Variants in FOXP1 observed in about 807,000 individuals in gnomAD.
The protein encoded by FOXP1 is forkhead box protein P1.
A neutral mutation model predicts 98.2 loss-of-function variants in FOXP1; 15 were observed. The observed-to-expected ratio is 0.15, with a 90% CI of 0.10 to 0.24. FOXP1 has a LOEUF of 0.24. Among genes scored for constraint, FOXP1 ranks in the 10% least tolerant of loss-of-function variants. The pLI, the probability that FOXP1 is intolerant of heterozygous loss-of-function variation, is 1.00. For missense variants in FOXP1, 633 were observed against 848.5 expected (o/e 0.75, Z 3.15); for synonymous variants, 371 against 314.5 (o/e 1.18, Z -1.90).
intron 2 of FOXP1, among the ~76,000 whole-genome samples, chr3:71,509,824 T>C (rs1330076839): frequency 6.6e-6 from 1 of 152,116 alleles, no homozygotes; most frequent in African/African-American, 2.4e-5. Flanking sequence ...CAGATTGCAA[T>C]GAGCTATGAT....
At position 71,547,806 on chromosome 3, in the gene FOXP1, C is replaced by A. The variant is rs559857927; in HGVS notation, c.-298+33743G>T. Among the ~76,000 whole-genome samples, 55 of 152,316 alleles carry A rather than the reference C, an allele frequency of 3.6e-4. 1 individual carries two copies. The highest frequency in any genetic ancestry group is 1.3e-3 in the African/African-American group (52 of 41,566). On this transcript the variant is annotated intron_variant, in intron 2 of 20. Transcript: ENST00000649528. ...GAGAGGACAGCTGTGACTATTCAAT[C>A]CTTTGGTGGTCATCATCACCTCCCA...
chr3:71,154,174 A>G (rs1190618871), intron 6 of FOXP1, among the ~76,000 whole-genome samples: 1 of 152,168 alleles, frequency 6.6e-6, no homozygotes, highest in Admixed American at 6.5e-5. Context: ...AATTAAATTA[A>G]GCTAGTTAAT....
intron 3 of FOXP1, among the ~76,000 whole-genome samples, chr3:71,442,558 C>T (rs1252462495): frequency 1.3e-5 from 2 of 152,208 alleles, no homozygotes; most frequent in African/African-American, 2.4e-5. Flanking sequence ...TACATGGGCA[C>T]GGAGGTCCTC....
chr3:71,276,182 C>T (rs2070865856), intron 5 of FOXP1: 1 of 152,190 alleles, frequency 6.6e-6, no homozygotes, highest in Admixed American at 6.5e-5. Flanking sequence ...GCTGCTTTCT[C>T]ATGTTCTCCC....
chr3:71,397,049 C>T (rs9859668), intron 3 of FOXP1, among the ~76,000 whole-genome samples: 4,647 of 41,340 alleles, frequency 0.11, 1,261 homozygotes, highest in African/African-American at 0.22. Flanking sequence ...TATATATATA[C>T]ACATATATAT....
At chr3:71,530,667 C>T (rs1339872525) in intron 2 of FOXP1, among the ~76,000 whole-genome samples, 1 of 152,192 alleles carries the variant, frequency 6.6e-6, no homozygotes, top group Non-Finnish European at 1.5e-5. Context: ...TTATGTTGCA[C>T]ATACTGTGTT....
chr3:71,094,278 CT>C lies in FOXP1; in HGVS notation c.282+18257del, dbSNP rs1180804992. 7.6e-3 allele frequency among the ~76,000 whole-genome samples: 970 copies of C among 127,808 alleles called. 2 individuals are homozygous for C. Among genetic ancestry groups the C allele is most frequent in the African/African-American group, 0.018 (603 of 32,638 alleles). The allele number at this position is 127,808 out of a possible 152,430, so 83.8% of individuals were successfully genotyped here. ...CATATAATTCCCTTTTTTTTCTTTT[CT>C]TTTTTTTTTTTTTTTTTTGAGACAG... On this transcript the variant is annotated intron_variant, in intron 7 of 20. Transcript: ENST00000649528.
intron 3 of FOXP1, among the ~76,000 whole-genome samples, chr3:71,450,182 A>G (rs1324172437): frequency 6.6e-6 from 1 of 152,220 alleles, no homozygotes; most frequent in African/African-American, 2.4e-5. Context: ...TTATGTTCCT[A>G]ATTTCAATGA....
intron 12 of FOXP1, among the ~76,000 whole-genome samples, chr3:71,004,215 C>T (rs747096668): frequency 1.5e-4 from 23 of 151,682 alleles, no homozygotes; most frequent in Admixed American, 3.3e-4. Context: ...AAAATGATCA[C>T]GGCTACCATA....
intron 4 of FOXP1, among the ~76,000 whole-genome samples, chr3:71,346,342 T>C (rs866630978): frequency 3.1e-4 from 47 of 152,144 alleles, no homozygotes; most frequent in African/African-American, 1.1e-3. Flanking sequence ...CGCCAAAGTT[T>C]TGATTTAGCC....
chr3:71,039,455 C>T (rs2048037117), intron 11 of FOXP1, among the ~76,000 whole-genome samples: 1 of 152,172 alleles, frequency 6.6e-6, no homozygotes, highest in Non-Finnish European at 1.5e-5. Flanking sequence ...TATCACCTGA[C>T]TGCAGATACA....
chr3:71,411,605 A>G (rs2082754282), intron 3 of FOXP1, among the ~76,000 whole-genome samples: 1 of 152,188 alleles, frequency 6.6e-6, no homozygotes, highest in South Asian at 2.1e-4. Context: ...TACAGGCATG[A>G]GCCACTGCGC....
chr3:71,228,929 T>C (rs1225804464), intron 5 of FOXP1, among the ~76,000 whole-genome samples: 1 of 150,732 alleles, frequency 6.6e-6, no homozygotes, highest in East Asian at 1.9e-4. Context: ...AAATGTGCTC[T>C]AAGAGGGTTT....
chr3:71,112,450 C>T, intron 7 of FOXP1, 86 bp downstream of exon 7: 1 of 1,053,570 alleles, frequency 9.5e-7, no homozygotes, highest in Non-Finnish European at 1.5e-6. Flanking sequence ...ACATGATTTG[C>T]AATGCTCAAC....
At chr3:71,486,994 T>C (rs2090703257) in intron 3 of FOXP1, among the ~76,000 whole-genome samples, 2 of 152,150 alleles carry the variant, frequency 1.3e-5, no homozygotes, top group Admixed American at 6.5e-5. Context: ...GCACCCGGCA[T>C]GTATGTGCCT....
intron 2 of FOXP1, among the ~76,000 whole-genome samples, chr3:71,563,524 C>T (rs555597398): frequency 6.6e-6 from 1 of 152,088 alleles, no homozygotes; most frequent in Non-Finnish European, 1.5e-5. Flanking sequence ...AAGGACAATG[C>T]TTTATTTAGA....
intron 3 of FOXP1, among the ~76,000 whole-genome samples, chr3:71,422,831 A>G (rs1369516192): frequency 6.6e-6 from 1 of 152,144 alleles, no homozygotes; most frequent in East Asian, 1.9e-4. Flanking sequence ...TCTCAGTAAG[A>G]GTTACCTACC....
chr3:70,965,830 G>C, intron 20 of FOXP1, 60 bp downstream of exon 20: 1 of 1,500,536 alleles, frequency 6.7e-7, no homozygotes, highest in South Asian at 1.1e-5. Flanking sequence ...CTGTCTCCCT[G>C]CGTGTACCTA....
intron 2 of FOXP1, among the ~76,000 whole-genome samples, chr3:71,514,635 CCT>C (rs1483738687): frequency 6.6e-6 from 1 of 152,348 alleles, no homozygotes; most frequent in Non-Finnish European, 1.5e-5. Context: ...GGCTCTCCCC[CCT>C]GTTGGGAAGG....
Sources: allele counts gnomAD v4.1 joint callset (sites outside exome capture counted in the v4.1 genomes callset), GRCh38; gene constraint gnomAD v4.1.1; transcripts MANE v1.5; gene names NCBI Gene and HGNC (gene_info 2026-07-23, HGNC 2026-07-21).